Variants in LCORL observed in about 807,000 individuals in gnomAD.
LCORL encodes ligand dependent nuclear receptor corepressor like.
LCORL carries 41 observed loss-of-function variants against 141.8 expected under a neutral mutation model. The observed-to-expected ratio is 0.29, with a 90% confidence interval of 0.23 to 0.38. The LOEUF (loss-of-function observed/expected upper bound fraction) is 0.38, where lower values mean the gene tolerates loss of function less well. LCORL is among the 10% of genes least tolerant of loss of function. The pLI is 1.00. For synonymous variants in LCORL, 618 were observed against 694.1 expected (o/e 0.89, Z 1.72); for missense variants, 1,759 against 2,035.0 (o/e 0.86, Z 2.61).
intron 1 of LCORL, among the ~76,000 whole-genome samples, chr4:18,010,774 C>T (rs1227528732): frequency 2.6e-5 from 4 of 152,006 alleles, no homozygotes; most frequent in Non-Finnish European, 4.4e-5. Flanking sequence ...TTAAAATATC[C>T]AGAACAAGTA....
intron 1 of LCORL, among the ~76,000 whole-genome samples, chr4:18,005,068 C>A (rs945710708): frequency 6.6e-6 from 1 of 152,078 alleles, no homozygotes; most frequent in Non-Finnish European, 1.5e-5. Flanking sequence ...CAGGTGCCTG[C>A]CACCACACCC....
At chr4:17,944,710 T>C (rs1419070923) in intron 4 of LCORL, among the ~76,000 whole-genome samples, 1 of 152,178 alleles carries the variant, frequency 6.6e-6, no homozygotes, top group African/African-American at 2.4e-5. Context: ...GAAGGATATA[T>C]ATAAATAGAA....
At chr4:17,855,233 C>CA (rs1197835432) in intron 7 of LCORL, among the ~76,000 whole-genome samples, 6 of 151,378 alleles carry the variant, frequency 4.0e-5, no homozygotes, top group African/African-American at 9.7e-5. Context: ...CATGTAAGAA[C>CA]AAAAAAAGAC....
At chr4:17,845,063 C>A (rs1722781521) in exon 8 of LCORL, 1 of 152,112 alleles carries the variant, frequency 6.6e-6, no homozygotes, top group African/African-American at 2.4e-5. Context: ...CTTACAGAAA[C>A]CACATAGTAT....
intron 4 of LCORL, among the ~76,000 whole-genome samples, chr4:17,946,754 T>C (rs1041947228): frequency 2.0e-5 from 3 of 151,972 alleles, no homozygotes; most frequent in African/African-American, 4.8e-5. Context: ...TACAATCTCA[T>C]ACATCATTGT....
At chr4:17,950,973 T>C (rs773878664) in intron 4 of LCORL, among the ~76,000 whole-genome samples, 2 of 152,170 alleles carry the variant, frequency 1.3e-5, no homozygotes, top group Non-Finnish European at 2.9e-5. Context: ...TTCTGAGTTT[T>C]TTCATCCAGT....
At chr4:18,008,006 C>A (rs1015330594) in intron 1 of LCORL, among the ~76,000 whole-genome samples, 1 of 151,928 alleles carries the variant, frequency 6.6e-6, no homozygotes, top group Non-Finnish European at 1.5e-5. Context: ...TTTTCCATAC[C>A]CTAAATTGGC....
Position 17,942,387 on chromosome 4 carries a change from A to G in LCORL, c.430+19516T>C, listed in dbSNP as rs1054206920. On this transcript the variant is annotated intron_variant, in intron 4 of 7. Transcript: ENST00000635767. ...ACTGAGGAATTAGGCTTAATAATCA[A>G]CTACCAAGACTCATACTATTGCTCT... Among the ~76,000 whole-genome samples, 4 of 152,286 alleles carry G rather than the reference A, an allele frequency of 2.6e-5. No individual in the cohort carries two copies. In the East Asian group the frequency reaches 7.7e-4, roughly 29 times the overall value.
chr4:17,885,709 A>C (rs1222687687), intron 6 of LCORL, among the ~76,000 whole-genome samples: 2 of 151,946 alleles, frequency 1.3e-5, no homozygotes, highest in Admixed American at 6.6e-5. Flanking sequence ...GTGCTTTTGG[A>C]ATTTGTTCAT....
At chr4:17,968,885 T>C (rs1264608220) in intron 2 of LCORL, among the ~76,000 whole-genome samples, 2 of 152,226 alleles carry the variant, frequency 1.3e-5, no homozygotes, top group African/African-American at 4.8e-5. Flanking sequence ...GCCCACATGC[T>C]GTAACTTGCA....
chr4:17,843,289 A>G, exon 8 of LCORL: 1 of 1,602,364 alleles, frequency 6.2e-7, no homozygotes, highest in Non-Finnish European at 8.5e-7. Context: ...GTGTATTTTC[A>G]ACATCTATTT....
intron 4 of LCORL, chr4:17,913,055 A>C: frequency 8.4e-6 from 2 of 238,420 alleles, no homozygotes; most frequent in Non-Finnish European, 1.7e-5. Context: ...TGGACAACTC[A>C]TTTTAAAGGA....
intron 5 of LCORL, among the ~76,000 whole-genome samples, chr4:17,889,039 T>C (rs1328222904): frequency 6.6e-6 from 1 of 152,084 alleles, no homozygotes; most frequent in African/African-American, 2.4e-5. Flanking sequence ...AAATAGAAAT[T>C]ATGGAAGGAG....
chr4:18,019,734 A>T (rs529645476), intron 1 of LCORL, among the ~76,000 whole-genome samples: 1 of 152,286 alleles, frequency 6.6e-6, no homozygotes, highest in Non-Finnish European at 1.5e-5. Context: ...AGACATCCTC[A>T]AATCACTTTG....
At chr4:17,907,959 A>G (rs1366967392) in intron 5 of LCORL, among the ~76,000 whole-genome samples, 1 of 152,226 alleles carries the variant, frequency 6.6e-6, no homozygotes, top group Non-Finnish European at 1.5e-5. Flanking sequence ...AATTATTCCC[A>G]TATTTCAGCC....
intron 5 of LCORL, among the ~76,000 whole-genome samples, chr4:17,890,000 G>A (rs977649408): frequency 6.6e-6 from 1 of 152,034 alleles, no homozygotes; most frequent in Non-Finnish European, 1.5e-5. Flanking sequence ...GTAAGGTGGA[G>A]GGGGAGGTAA....
chr4:17,962,732 G>T (rs1714083681), intron 3 of LCORL, among the ~76,000 whole-genome samples: 1 of 151,584 alleles, frequency 6.6e-6, no homozygotes, highest in Non-Finnish European at 1.5e-5. Context: ...GTAAGAGTAA[G>T]AAAGAAATGT....
At chr4:17,962,564 A>T (rs1375630447) in intron 3 of LCORL, among the ~76,000 whole-genome samples, 1 of 152,050 alleles carries the variant, frequency 6.6e-6, no homozygotes, top group Non-Finnish European at 1.5e-5. Context: ...AAAGACTTCA[A>T]GAGTAAGTGA....
chr4:17,969,438 C>T (rs912772616), intron 2 of LCORL, among the ~76,000 whole-genome samples: 2 of 152,128 alleles, frequency 1.3e-5, no homozygotes, highest in Non-Finnish European at 2.9e-5. Flanking sequence ...TCTCAAAACA[C>T]TAGCGTGTAA....
Sources: gnomAD v4.1 joint callset for allele counts (sites outside exome capture counted in the v4.1 genomes callset) on GRCh38, gnomAD v4.1.1 for gene constraint, MANE v1.5 for transcripts, NCBI Gene and HGNC (gene_info 2026-07-23, HGNC 2026-07-21) for gene names.